The following KIF26A variants were observed in gnomAD, a reference collection of about 807,000 sequenced individuals.
KIF26A encodes the protein kinesin-like protein KIF26A.
KIF26A carries 74 observed loss-of-function variants against 126.0 expected under a neutral mutation model. That is an observed-to-expected ratio of 0.59 (90% confidence interval 0.49 to 0.71). The LOEUF is 0.71. Among genes scored for constraint, KIF26A ranks in the 30% least tolerant of loss-of-function variants. The pLI is 0.00. For synonymous variants in KIF26A, 1,445 were observed against 1,232.7 expected (o/e 1.17, Z -3.61); for missense variants, 2,984 against 2,763.3 (o/e 1.08, Z -1.79).
intron 4 of KIF26A, among the ~76,000 whole-genome samples, chr14:104,165,249 ATATGCATGTGTGTGTCTGTATCTC>A (rs1455973601): frequency 4.7e-5 from 7 of 147,518 alleles, no homozygotes; most frequent in Admixed American, 6.8e-5. Flanking sequence ...CTCTGTCTCC[ATATGCATGTGTGTGTCTGTATCTC>A]TATGCATGTG....
chr14:104,171,911 C>T lies in KIF26A; in HGVS notation c.1302C>T (p.Ala434=), dbSNP rs202138946. 3.2e-5 allele frequency: 50 copies of T among 1,555,370 alleles called. No individual in the cohort carries two copies. The African/African-American group carries it at 5.7e-4, about 18-fold the overall frequency. ...AAVPKMFAFD[A]VFPQDSEQAE... ...TTCCCAAGATGTTTGCCTTCGATGC[C>T]GTCTTCCCCCAGGACTCCGAGCAGG... is the stretch of plus-strand genomic sequence containing the variant. The change falls in exon 6 of 15, where the codon GCC becomes GCT. Residue 434 remains alanine, a synonymous_variant. Coordinates refer to ENST00000423312, the MANE Select transcript of KIF26A (RefSeq NM_015656.2).
intron 3 of KIF26A, among the ~76,000 whole-genome samples, chr14:104,156,318 G>A (rs566894283): frequency 3.3e-5 from 5 of 152,222 alleles, no homozygotes; most frequent in East Asian, 1.9e-4. Flanking sequence ...AGGGCTGGCC[G>A]GGCTGGGTTC....
rs1474918350 is a variant in KIF26A at position 104,152,455 on chromosome 14, G to C, written c.729G>C (p.Ala243=). 23 of 1,569,710 alleles carry C rather than the reference G, an allele frequency of 1.5e-5. No homozygotes were observed. The East Asian group carries it at 5.4e-4, about 37-fold the overall frequency. The change falls in exon 3 of 15, where the codon GCG becomes GCC. Residue 243 remains alanine (A), a synonymous_variant. Coordinates refer to ENST00000423312, the MANE Select transcript of KIF26A (RefSeq NM_015656.2). The surrounding 1 kb of genome is among the most constrained non-coding windows in gnomAD (Gnocchi z 5.9). ...VSRVNSFLPP[A]CLAEAAVAAV... ...GGGTCAACAGCTTCCTCCCGCCGGC[G>C]TGCCTGGTGAGTGTCTTGCTCAGCG...
Position 104,174,169 on chromosome 14 carries a change from G to T in KIF26A, c.2052G>T (p.Leu684=). The change falls in exon 11 of 15, where the codon CTG becomes CTT. Residue 684 remains leucine (L), a synonymous_variant. Transcript: ENST00000423312. ...GCAGGGACCACAGGCTCACCATGCT[G>T]CTGCGTGAATCCCTGGCCACCGCTG... is the stretch of plus-strand genomic sequence containing the variant. The part of the protein sequence containing the change: ...VPYRDHRLTM[L]LRESLATAGC... The T allele has an allele frequency of 6.3e-7, 1 of 1,588,004 alleles. No individual in the cohort carries two copies.
chr14:104,166,192 G>C (rs921054726), intron 4 of KIF26A, among the ~76,000 whole-genome samples: 3 of 151,942 alleles, frequency 2.0e-5, no homozygotes, highest in Non-Finnish European at 4.4e-5. Flanking sequence ...GGGCCCAGGA[G>C]CTGGGCAGTG....
rs375522738 is a variant in KIF26A, at chr14:104,163,702, C to T, written c.924-3157C>T. On this transcript the variant is annotated intron_variant, in intron 4 of 14. Transcript: ENST00000423312. The stretch of plus-strand genomic sequence containing the variant: ...CAGTGACCCCGGAACCCCGAGCATG[C>T]GCGGCACGGGGCGGCCATGGGCCCC... Among the ~76,000 whole-genome samples, 13 of 151,508 alleles carry T rather than the reference C, an allele frequency of 8.6e-5. No individual in the cohort carries two copies. The East Asian group carries it at 1.6e-3, about 18-fold the overall frequency.
chr14:104,143,172 A>G (rs1275165891), intron 2 of KIF26A, among the ~76,000 whole-genome samples: 3 of 152,250 alleles, frequency 2.0e-5, no homozygotes, highest in Non-Finnish European at 2.9e-5. Context: ...TTATCCAGGC[A>G]GGGGCCTCAT....
chr14:104,161,646 G>A (rs1046723480), intron 4 of KIF26A, among the ~76,000 whole-genome samples: 15 of 152,188 alleles, frequency 9.9e-5, no homozygotes, highest in Non-Finnish European at 1.9e-4. Context: ...TCGCTCACGC[G>A]TGTTCTGAGC....
At chr14:104,172,850 G>A in intron 7 of KIF26A, 127 bp from the exon 8 acceptor site, 1 of 1,316,988 alleles carries the variant, frequency 7.6e-7, no homozygotes, top group Non-Finnish European at 1.0e-6. Context: ...GAAAGGCAGA[G>A]GGCTTAGGAT....
intron 5 of KIF26A, among the ~76,000 whole-genome samples, chr14:104,170,895 T>TGGC (rs2037950537): frequency 6.6e-6 from 1 of 152,236 alleles, no homozygotes; most frequent in Non-Finnish European, 1.5e-5. Context: ...TGCCTGTATG[T>TGGC]GGCCCAGTTT....
intron 11 of KIF26A, among the ~76,000 whole-genome samples, 190 bp downstream of exon 11, chr14:104,174,500 G>A (rs528966811): frequency 6.6e-6 from 1 of 152,304 alleles, no homozygotes; most frequent in African/African-American, 2.4e-5. Context: ...CCCAGCCTGA[G>A]GTCCCTGGCT....
rs766137911 is a variant in KIF26A, at chr14:104,173,107, G to A, written c.1551G>A (p.Arg517=). The change falls in exon 8 of 15, where the codon CGG becomes CGA. Residue 517 remains arginine, a synonymous_variant. Coordinates refer to ENST00000423312, the MANE Select transcript of KIF26A (RefSeq NM_015656.2). ...GGACGGGCACCCGCTTCTCCGTCCG[G>A]GTCTCAGCCGTGGAGGTGTGCGGGC... ...RERTGTRFSV[R]VSAVEVCGRD... 1.9e-6 allele frequency: 3 copies of A among 1,606,804 alleles called. No homozygotes were observed. Among genetic ancestry groups the A allele is most frequent in the East Asian group, 4.5e-5 (2 of 44,574 alleles).
In KIF26A at chr14:104,179,651, TGGCGGCCCTGGAGCGAGCCAC is replaced by T. The variant is rs1409340064; in HGVS notation, c.5525_5545del (p.Arg1842_Glu1848del). ...CTGGAGCCCGAGTCGGCCGAGTACC[TGGCGGCCCTGGAGCGAGCCAC>T]GGCGGCCCTGGAGCAGTGCGTGAAC... On this transcript the variant is annotated inframe_deletion, in exon 15 of 15. Transcript: ENST00000423312. 1.9e-6 allele frequency: 3 copies of T among 1,545,734 alleles called. No individual in the cohort carries two copies. The highest frequency in any genetic ancestry group is 1.7e-6 in the Non-Finnish European group (2 of 1,144,644).
intron 4 of KIF26A, among the ~76,000 whole-genome samples, chr14:104,161,408 C>T (rs998040987): frequency 6.6e-6 from 1 of 152,174 alleles, no homozygotes; most frequent in African/African-American, 2.4e-5. Context: ...AGAACAGGCT[C>T]GTGTGTCTCC....
chr14:104,139,377 A>G, intron 2 of KIF26A, 89 bp downstream of exon 2: 1 of 1,317,194 alleles, frequency 7.6e-7, no homozygotes, highest in Non-Finnish European at 9.9e-7. Context: ...GCAGGGTTCC[A>G]CTCCTTCCCT....
rs1020742473 is a variant in KIF26A at position 104,176,136 on chromosome 14, G to C, written c.3348G>C (p.Glu1116Asp). The change falls in exon 12 of 15, where the codon GAG (glutamate) becomes GAC (aspartate). Residue 1116 changes from glutamate (E) to aspartate (D), a missense_variant. Transcript: ENST00000423312. ...HGSSISSWLSEVSVCTADSRD... is the reference protein window; with the variant it reads ...HGSSISSWLSDVSVCTADSRD... ...CCTCCATCAGCTCCTGGCTCAGCGA[G>C]GTCAGCGTCTGCACTGCCGACAGCC... is the stretch of plus-strand genomic sequence containing the variant. The C allele has an allele frequency of 2.5e-6, 4 of 1,582,168 alleles. No individual in the cohort carries two copies. The highest frequency in any genetic ancestry group is 2.3e-5 in the South Asian group (2 of 86,882).
At chr14:104,172,003 C>G in intron 6 of KIF26A, 68 bp downstream of exon 6, 1 of 1,402,372 alleles carries the variant, frequency 7.1e-7, no homozygotes. Context: ...GCACATGGGT[C>G]CGATCTGCGC....
At chr14:104,153,030 G>A (rs1334065089) in intron 3 of KIF26A, among the ~76,000 whole-genome samples, 4 of 152,278 alleles carry the variant, frequency 2.6e-5, no homozygotes, top group Admixed American at 1.3e-4. Context: ...GCACAAGCTC[G>A]CCCTTCTCCC....
In KIF26A at chr14:104,148,458, C is replaced by T. The variant is rs2037699331; in HGVS notation, c.289-3557C>T. On this transcript the variant is annotated intron_variant, in intron 2 of 14. Transcript: ENST00000423312. The surrounding 1 kb of genome is among the most constrained non-coding windows in gnomAD (Gnocchi z 4.3). Reference sequence around the variant, plus strand: ...CCTGGGTGACAGGCGGGCCTGCTGGCTGGGGCTTTGAGGAGTTCAGATTCC... The same window carrying T: ...CCTGGGTGACAGGCGGGCCTGCTGGTTGGGGCTTTGAGGAGTTCAGATTCC... 6.6e-6 allele frequency among the ~76,000 whole-genome samples: 1 copy of T among 152,074 alleles called. No individual in the cohort carries two copies. The highest frequency in any genetic ancestry group is 1.5e-5 in the Non-Finnish European group (1 of 68,006).
Sources: allele counts gnomAD v4.1 joint callset (sites outside exome capture counted in the v4.1 genomes callset), GRCh38; gene constraint gnomAD v4.1.1; non-coding constraint Gnocchi (gnomAD v3.1); transcripts MANE v1.5; gene names NCBI Gene and HGNC (gene_info 2026-07-23, HGNC 2026-07-21).